The following SUGP1 variants were observed in gnomAD, a reference collection of about 807,000 sequenced individuals.
SUGP1 encodes SURP and G-patch domain containing 1.
A neutral mutation model predicts 76.5 loss-of-function variants in SUGP1; 34 were observed. The ratio of observed to expected loss-of-function variants is 0.44; its 90% CI spans 0.34 to 0.59. SUGP1 has a LOEUF of 0.59. Among genes scored for constraint, SUGP1 ranks in the 20% least tolerant of loss-of-function variants. SUGP1 has a pLI of 0.01. For missense variants in SUGP1, 752 were observed against 851.7 expected (o/e 0.88, Z 1.46); for synonymous variants, 326 against 326.2 (o/e 1.00, Z 0.01).
rs746625391 is a variant in SUGP1 at position 19,316,564 on chromosome 19, G to A, written c.64C>T (p.Pro22Ser). The part of the protein sequence containing the change: ...GKANRWFGVA[P>S]PKSGKMNMNI... ...ATGTTCATTTTTCCAGATTTAGGGG[G>A]AGCAACCCCAAACCACCGGTTAGCC... The change falls in exon 2 of 14, where the codon CCC (proline) becomes TCC (serine). Residue 22 changes from proline to serine, a missense_variant. Transcript: ENST00000247001. 1.2e-6 allele frequency: 2 copies of A among 1,613,820 alleles called. No individual in the cohort carries two copies. Among genetic ancestry groups the A allele is most frequent in the South Asian group, 1.1e-5 (1 of 91,072 alleles).
intron 9 of SUGP1, among the ~76,000 whole-genome samples, chr19:19,279,697 C>T (rs1047361458): frequency 7.9e-5 from 12 of 152,156 alleles, no homozygotes; most frequent in African/African-American, 2.9e-4. Context: ...CGAGCTGACC[C>T]CAGGGACTGA....
At chr19:19,286,959 AAACAACAAC>A (rs371554669) in intron 8 of SUGP1, among the ~76,000 whole-genome samples, 95 of 151,580 alleles carry the variant, frequency 6.3e-4, no homozygotes, top group African/African-American at 2.1e-3. Context: ...AAAAAAAGCA[AAACAACAAC>A]AACAACAACA....
At chr19:19,312,609 T>C (rs1269620389) in intron 2 of SUGP1, among the ~76,000 whole-genome samples, 1 of 152,166 alleles carries the variant, frequency 6.6e-6, no homozygotes, top group Non-Finnish European at 1.5e-5. Context: ...GGGGCACTGG[T>C]TAAATAAATT....
At chr19:19,295,605 C>CAA (rs55921805) in intron 8 of SUGP1, among the ~76,000 whole-genome samples, 5,136 of 66,326 alleles carry the variant, frequency 0.077, 299 homozygotes, top group East Asian at 0.16. Context: ...GACTCCTTCT[C>CAA]AAAAAAAAAA....
chr19:19,276,823 G>A (rs1306504271), intron 13 of SUGP1, 124 bp downstream of exon 13: 3 of 1,536,894 alleles, frequency 2.0e-6, no homozygotes, highest in East Asian at 2.3e-5. Flanking sequence ...GAATGCAGGT[G>A]GGTGGTAGGG....
intron 8 of SUGP1, among the ~76,000 whole-genome samples, chr19:19,292,888 C>T (rs184095825): frequency 1.3e-5 from 2 of 152,036 alleles, no homozygotes; most frequent in African/African-American, 4.8e-5. Context: ...AAAGTAACCA[C>T]ACGATGATTT....
chr19:19,297,939 T>C (rs1038684592), intron 7 of SUGP1, among the ~76,000 whole-genome samples: 3 of 152,192 alleles, frequency 2.0e-5, no homozygotes, highest in African/African-American at 7.2e-5. Context: ...CAGAGCCATG[T>C]TCCGCACCTA....
chr19:19,284,460 T>TAA, intron 8 of SUGP1, among the ~76,000 whole-genome samples: 1 of 144,426 alleles, frequency 6.9e-6, no homozygotes, highest in East Asian at 2.0e-4. Flanking sequence ...GGACCACTGT[T>TAA]AAAAAAAAAA....
At chr19:19,319,350 TG>T (rs2061420122) in intron 1 of SUGP1, among the ~76,000 whole-genome samples, 1 of 152,130 alleles carries the variant, frequency 6.6e-6, no homozygotes, top group Non-Finnish European at 1.5e-5. Context: ...CTGCATTTAC[TG>T]GCCCCCCTCT....
At chr19:19,289,576 C>T (rs527780543) in intron 8 of SUGP1, among the ~76,000 whole-genome samples, 5 of 152,010 alleles carry the variant, frequency 3.3e-5, no homozygotes, top group Non-Finnish European at 7.4e-5. Context: ...GGTGAAACCT[C>T]GTCTCTACTA....
intron 7 of SUGP1, among the ~76,000 whole-genome samples, chr19:19,300,365 C>T (rs993462154): frequency 3.3e-5 from 5 of 151,618 alleles, no homozygotes; most frequent in African/African-American, 9.7e-5. Context: ...CGTGAGCCAC[C>T]GCACCAGGCC....
chr19:19,287,218 C>G (rs1055371313), intron 8 of SUGP1, among the ~76,000 whole-genome samples: 2 of 152,060 alleles, frequency 1.3e-5, no homozygotes, highest in African/African-American at 2.4e-5. Context: ...CTGCAGTGAG[C>G]CGAGATCGTG....
chr19:19,294,085 A>T (rs1454730199), intron 8 of SUGP1, among the ~76,000 whole-genome samples: 1 of 151,930 alleles, frequency 6.6e-6, no homozygotes, highest in Non-Finnish European at 1.5e-5. Flanking sequence ...TACTTGGGAG[A>T]CTGGGGCAGG....
intron 8 of SUGP1, among the ~76,000 whole-genome samples, chr19:19,296,153 T>C (rs2061223770): frequency 6.6e-6 from 1 of 151,458 alleles, no homozygotes; most frequent in South Asian, 2.1e-4. Flanking sequence ...CCCGTCTCCA[T>C]AAAACTTTTT....
At position 19,277,652 on chromosome 19, in the gene SUGP1, T is replaced by C. The variant is rs564717516; in HGVS notation, c.1781+82A>G. On this transcript the variant is annotated intron_variant, in intron 12 of 13. Transcript: ENST00000247001. ...TTGCCACAAGGGAAAAGCGATGACATAAAGGGGTGGGAATGGGGAGGCGGC... is the reference window on the plus strand; with the variant it reads ...TTGCCACAAGGGAAAAGCGATGACACAAAGGGGTGGGAATGGGGAGGCGGC... 132 of 1,538,786 alleles carry C rather than the reference T, an allele frequency of 8.6e-5. No individual in the cohort carries two copies. In the African/African-American group the frequency reaches 1.6e-3, roughly 19 times the overall value.
At chr19:19,282,629 T>A (rs1283268381) in intron 8 of SUGP1, among the ~76,000 whole-genome samples, 1 of 152,114 alleles carries the variant, frequency 6.6e-6, no homozygotes, top group African/African-American at 2.4e-5. Context: ...ATATTACAGT[T>A]GACCTTGAAC....
chr19:19,311,909 T>C (rs1405912139), intron 2 of SUGP1, among the ~76,000 whole-genome samples: 3 of 151,880 alleles, frequency 2.0e-5, no homozygotes, highest in Non-Finnish European at 4.4e-5. Context: ...GCCCAGGAGT[T>C]TGAGGCTGCA....
chr19:19,279,531 C>G lies in SUGP1; in HGVS notation c.1351-141G>C, dbSNP rs1251378177. On this transcript the variant is annotated intron_variant, in intron 9 of 13. Transcript: ENST00000247001. ...CCCCTGGGCAGGACTGGAGCAAGGACTCTAGCAAGTACTGAGTACTGCCCT... is the reference window on the plus strand; with the variant it reads ...CCCCTGGGCAGGACTGGAGCAAGGAGTCTAGCAAGTACTGAGTACTGCCCT... 3 of 897,410 alleles carry G rather than the reference C, an allele frequency of 3.3e-6. No individual in the cohort carries two copies. The African/African-American group carries it at 5.0e-5, about 15-fold the overall frequency. The allele number at this position is 897,410 out of a possible 1,614,324, so 55.6% of individuals were successfully genotyped here.
chr19:19,280,188 C>T lies in SUGP1; in HGVS notation c.1347G>A (p.Gln449=), dbSNP rs373231127. Residue 449 remains glutamine (Q), a synonymous_variant, in exon 9 of 14, where the codon CAG becomes CAA. Transcript: ENST00000247001. The part of the protein sequence containing the change: ...DAQKKQLKEQ[Q]EMQQMYDMIM... ...CCCCTTGTCCCCGCAGTCTTACCTC[C>T]TGCTGCTCCTTCAGCTGCTTCTTCT... 4 of 1,613,746 alleles carry T rather than the reference C, an allele frequency of 2.5e-6. No individual in the cohort carries two copies. Among genetic ancestry groups the T allele is most frequent in the Non-Finnish European group, 3.4e-6 (4 of 1,179,932 alleles).
Sources: allele counts gnomAD v4.1 joint callset (sites outside exome capture counted in the v4.1 genomes callset), GRCh38; gene constraint gnomAD v4.1.1; transcripts MANE v1.5; gene names NCBI Gene and HGNC (gene_info 2026-07-23, HGNC 2026-07-21).